Variants in CNIH1 observed in about 807,000 individuals in gnomAD.
The protein encoded by CNIH1 is protein cornichon homolog 1.
Under a neutral mutation model 20.2 loss-of-function variants are expected in CNIH1, and 12 were observed. That is an observed-to-expected ratio of 0.59 (90% CI 0.38 to 0.96). The LOEUF (loss-of-function observed/expected upper bound fraction) is 0.96. CNIH1 is among the 40% of genes least tolerant of loss of function. The pLI is 0.00. For missense variants in CNIH1, 152 were observed against 178.8 expected, an observed-to-expected ratio of 0.85 and a Z score of 0.85; for synonymous variants, 69 against 63.3, an observed-to-expected ratio of 1.09 and a Z score of -0.43.
chr14:54,434,501 T>TGCTTTAACCTGGCAAAGC (rs1211302620), intron 2 of CNIH1, among the ~76,000 whole-genome samples: 1 of 152,226 alleles, frequency 6.6e-6, no homozygotes, highest in Non-Finnish European at 1.5e-5. Flanking sequence ...TTCGGCAAAG[T>TGCTTTAACCTGGCAAAGC]GCTTTAACCT....
At chr14:54,429,662 G>A (rs2030895002) in intron 4 of CNIH1, among the ~76,000 whole-genome samples, 1 of 152,170 alleles carries the variant, frequency 6.6e-6, no homozygotes, top group African/African-American at 2.4e-5. Context: ...AGGAGGCTGA[G>A]GCAGGAGAAT....
chr14:54,427,896 C>T (rs78211993), intron 4 of CNIH1, 55 bp from the exon 5 acceptor site: 2 of 1,537,564 alleles, frequency 1.3e-6, no homozygotes, highest in East Asian at 2.3e-5. Context: ...TAAAAAAAAA[C>T]TCAGAGCATG....
At chr14:54,429,434 A>G (rs2030888551) in intron 4 of CNIH1, among the ~76,000 whole-genome samples, 1 of 152,246 alleles carries the variant, frequency 6.6e-6, no homozygotes, top group Non-Finnish European at 1.5e-5. Flanking sequence ...ACCCTGACCT[A>G]GAGGAACAAT....
intron 1 of CNIH1, among the ~76,000 whole-genome samples, chr14:54,440,874 C>T (rs1039606775): frequency 3.9e-5 from 6 of 152,196 alleles, no homozygotes; most frequent in Admixed American, 3.9e-4. Flanking sequence ...ACTTCATTCA[C>T]ACTACGGCCG....
At position 54,432,165 on chromosome 14, in the gene CNIH1, G is replaced by A; in HGVS notation, c.206C>T (p.Ala69Val). ...HAFFCVMFLC[A>V]AEWLTLGLNM... ...GAGACCCAGTGTAAGCCACTCTGCT[G>A]CACAAAGAAACATGACACAGAAGAA... The change falls in exon 3 of 5, where the codon GCA (alanine) becomes GTA (valine). Residue 69 changes from alanine (A) to valine (V), a missense_variant. This residue lies in a region of CNIH1 where 97 missense variants were observed against 100.6 expected (regional missense o/e 0.96). Coordinates refer to ENST00000216416, the MANE Select transcript of CNIH1 (RefSeq NM_005776.3). 1 of 1,570,618 alleles carries A rather than the reference G, an allele frequency of 6.4e-7. No individual in the cohort carries two copies. The highest frequency in any genetic ancestry group is 8.6e-7 in the Non-Finnish European group (1 of 1,156,908).
chr14:54,438,243 G>A lies in CNIH1; in HGVS notation c.82-1806C>T, dbSNP rs1039578457. The stretch of plus-strand genomic sequence containing the variant: ...GATCCACCTGCCTTGGCCTCCCAAA[G>A]TGCTGGGATTACAGGAATGAGCCAC... On this transcript the variant is annotated intron_variant, in intron 1 of 4. Coordinates refer to ENST00000216416, the MANE Select transcript of CNIH1 (RefSeq NM_005776.3). 4.6e-5 allele frequency among the ~76,000 whole-genome samples: 7 copies of A among 152,194 alleles called. 1 individual carries two copies. The South Asian group carries it at 1.2e-3, about 27-fold the overall frequency.
chr14:54,430,845 G>A (rs1348525852), intron 3 of CNIH1, among the ~76,000 whole-genome samples: 1 of 151,518 alleles, frequency 6.6e-6, no homozygotes, highest in East Asian at 1.9e-4. Context: ...TGTTGTTGTT[G>A]TTTTGAGACA....
chr14:54,426,094 T>G lies in CNIH1; in HGVS notation c.*1720A>C, dbSNP rs1328394526. 1 of 152,194 alleles carries G rather than the reference T, an allele frequency of 6.6e-6. No individual in the cohort carries two copies. Among genetic ancestry groups the G allele is most frequent in the Non-Finnish European group, 1.5e-5 (1 of 68,024 alleles). The allele number at this position is 152,194 out of a possible 1,614,324, so 9.4% of individuals were successfully genotyped here. On this transcript the variant is annotated 3_prime_UTR_variant, in exon 5 of 5. Transcript: ENST00000216416. The stretch of plus-strand genomic sequence containing the variant: ...ACTGCCTGTGCTCAAAGCATGAATC[T>G]TGAGAGCCCAGCAAGTACTCAATAA...
In CNIH1 at chr14:54,431,134, T is replaced by C. The variant is rs187589677; in HGVS notation, c.264-730A>G. On this transcript the variant is annotated intron_variant, in intron 3 of 4. Coordinates refer to ENST00000216416, the MANE Select transcript of CNIH1 (RefSeq NM_005776.3). ...GCCACTGTACCTGGCCCTGAGTAAA[T>C]TTTTTTTTTTTTGAGACAGAGTCTT... is the stretch of plus-strand genomic sequence containing the variant. Among the ~76,000 whole-genome samples the C allele has an allele frequency of 5.7e-3, 838 of 145,790 alleles. 27 individuals are homozygous for C. Among genetic ancestry groups the C allele is most frequent in the Admixed American group, 0.05 (725 of 14,620 alleles).
intron 2 of CNIH1, among the ~76,000 whole-genome samples, chr14:54,435,753 A>G (rs1454382108): frequency 6.6e-6 from 1 of 152,162 alleles, no homozygotes; most frequent in Non-Finnish European, 1.5e-5. Context: ...CTCACATACT[A>G]CCTCACAATA....
intron 4 of CNIH1, among the ~76,000 whole-genome samples, chr14:54,428,250 G>A (rs996222796): frequency 2.0e-5 from 3 of 152,128 alleles, no homozygotes; most frequent in Admixed American, 2.0e-4. Flanking sequence ...AGTCCTAGAA[G>A]GCAGGTACCA....
rs1020460107 is a variant in CNIH1, at chr14:54,425,876, C to G, written c.*1938G>C. Reference sequence around the variant, plus strand: ...ATTATTAAAAGGATGTTTGTTAACACTTATGAAGTAGTGTTTGCTAAGAGA... The same window carrying G: ...ATTATTAAAAGGATGTTTGTTAACAGTTATGAAGTAGTGTTTGCTAAGAGA... On this transcript the variant is annotated 3_prime_UTR_variant, in exon 5 of 5. Transcript: ENST00000216416. 6.6e-6 allele frequency: 1 copy of G among 152,146 alleles called. No homozygotes were observed. Among genetic ancestry groups the G allele is most frequent in the Admixed American group, 6.5e-5 (1 of 15,268 alleles). The allele number at this position is 152,146 out of a possible 1,614,324, so 9.4% of individuals were successfully genotyped here.
intron 1 of CNIH1, 102 bp from the exon 2 acceptor site, chr14:54,436,539 A>G: frequency 3.0e-6 from 2 of 676,688 alleles, no homozygotes; most frequent in Non-Finnish European, 2.6e-6. Flanking sequence ...AAACAAGAAC[A>G]AAAGTACACC....
intron 1 of CNIH1, among the ~76,000 whole-genome samples, chr14:54,440,091 CA>C: frequency 2.0e-5 from 3 of 152,206 alleles, no homozygotes; most frequent in Admixed American, 2.0e-4. Context: ...CACTGCTTAG[CA>C]AAAAGGAATG....
In CNIH1 at chr14:54,426,881, G is replaced by C. The variant is rs1354247222; in HGVS notation, c.*933C>G. On this transcript the variant is annotated 3_prime_UTR_variant, in exon 5 of 5. Coordinates refer to ENST00000216416, the MANE Select transcript of CNIH1 (RefSeq NM_005776.3). Reference sequence around the variant, plus strand: ...GCAACATGTCTTTATCATGGATTAAGCAAGTTTAAGAAATACTATTTTTAA... The same window carrying C: ...GCAACATGTCTTTATCATGGATTAACCAAGTTTAAGAAATACTATTTTTAA... 1 of 152,126 alleles carries C rather than the reference G, an allele frequency of 6.6e-6. No individual in the cohort carries two copies. The highest frequency in any genetic ancestry group is 1.5e-5 in the Non-Finnish European group (1 of 67,992). 9.4% of individuals were successfully genotyped at this position (152,126 alleles called of 1,614,324 possible). A position where few individuals can be genotyped will look rare whatever the true frequency, so the allele number is the denominator to read the frequency against.
intron 2 of CNIH1, among the ~76,000 whole-genome samples, chr14:54,434,040 A>G (rs1594617873): frequency 6.6e-6 from 1 of 152,218 alleles, no homozygotes; most frequent in East Asian, 1.9e-4. Flanking sequence ...AACAGAAACT[A>G]GTATCCAGAA....
intron 1 of CNIH1, among the ~76,000 whole-genome samples, chr14:54,440,619 G>A (rs921367856): frequency 8.5e-5 from 13 of 152,222 alleles, no homozygotes; most frequent in African/African-American, 3.1e-4. Context: ...AAACTCCAGC[G>A]GTCAAAGTAT....
Position 54,430,273 on chromosome 14 carries a change from T to TA in CNIH1, c.394dup (p.Tyr132LeufsTer56), listed in dbSNP as rs2030907700. 8 of 1,614,002 alleles carry TA rather than the reference T, an allele frequency of 5.0e-6. No homozygotes were observed. The highest frequency in any genetic ancestry group is 1.1e-5 in the South Asian group (1 of 91,082). ...CTTTTCAACTTACCCATATAGGTAG[T>TA]AAAAAAATGCTAGAAGATAAAAAGC... is the stretch of plus-strand genomic sequence containing the variant. On this transcript the variant is annotated frameshift_variant, in exon 4 of 5. Coordinates refer to ENST00000216416, the MANE Select transcript of CNIH1 (RefSeq NM_005776.3). LOFTEE classifies it high-confidence loss of function.
intron 3 of CNIH1, among the ~76,000 whole-genome samples, chr14:54,431,478 T>A (rs980612188): frequency 1.3e-5 from 2 of 152,184 alleles, no homozygotes; most frequent in Admixed American, 1.3e-4. Context: ...CTGATAACAC[T>A]TTACTTCTAA....
Sources: allele counts gnomAD v4.1 joint callset (sites outside exome capture counted in the v4.1 genomes callset), GRCh38; gene constraint gnomAD v4.1.1; regional missense constraint gnomAD v4.1.1; transcripts MANE v1.5; gene names NCBI Gene and HGNC (gene_info 2026-07-23, HGNC 2026-07-21).